Variants in CTNNA2 observed in about 807,000 individuals in gnomAD.
The protein encoded by CTNNA2 is catenin alpha 2.
Under a neutral mutation model 101.0 loss-of-function variants are expected in CTNNA2, and 42 were observed. That is an observed-to-expected ratio of 0.42 (90% CI 0.32 to 0.54). The LOEUF is 0.54. CTNNA2 is among the 20% of genes least tolerant of loss of function. CTNNA2 has a pLI of 0.14. For synonymous variants in CTNNA2, 450 were observed against 456.4 expected (o/e 0.99, Z 0.18); for missense variants, 871 against 1,223.1 (o/e 0.71, Z 4.29).
intron 2 of CTNNA2, among the ~76,000 whole-genome samples, chr2:79,264,641 T>C (rs1229013832): frequency 2.6e-5 from 4 of 152,114 alleles, no homozygotes; most frequent in Non-Finnish European, 4.4e-5. Flanking sequence ...AATCTGCCAT[T>C]ATAATCTCAG....
chr2:79,368,936 G>A (rs565487572), intron 3 of CTNNA2, among the ~76,000 whole-genome samples: 42 of 152,286 alleles, frequency 2.8e-4, no homozygotes, highest in African/African-American at 9.9e-4. Context: ...TTCCCTAAAA[G>A]GCCTGGATGA....
At chr2:79,239,936 C>CT (rs35539645) in intron 2 of CTNNA2, among the ~76,000 whole-genome samples, 3 of 83,846 alleles carry the variant, frequency 3.6e-5, no homozygotes, top group Non-Finnish European at 6.3e-5. Context: ...CTTTTTCTTT[C>CT]TTTTTTTTTT....
Position 79,910,695 on chromosome 2 carries a change from A to G in CTNNA2, c.1056+898A>G, listed in dbSNP as rs145026399. On this transcript the variant is annotated intron_variant, in intron 7 of 18. Coordinates refer to ENST00000402739, the MANE Select transcript of CTNNA2 (RefSeq NM_001282597.3). Reference sequence around the variant, plus strand: ...TAGCTACCAGGTGGGTAACAGAGACACTGAAAATCTGCTCACAGCTACTGA... The same window carrying G: ...TAGCTACCAGGTGGGTAACAGAGACGCTGAAAATCTGCTCACAGCTACTGA... 1.1e-4 allele frequency among the ~76,000 whole-genome samples: 16 copies of G among 152,328 alleles called. No homozygotes were observed. The East Asian group carries it at 2.3e-3, about 22-fold the overall frequency.
chr2:79,528,536 C>G (rs1023916056), intron 1 of CTNNA2, among the ~76,000 whole-genome samples: 1 of 152,044 alleles, frequency 6.6e-6, no homozygotes, highest in Non-Finnish European at 1.5e-5. Context: ...GAATTATACA[C>G]TTTAAAATGG....
intron 7 of CTNNA2, among the ~76,000 whole-genome samples, chr2:80,201,825 AT>A (rs1707233298): frequency 6.6e-6 from 1 of 151,918 alleles, no homozygotes; most frequent in Non-Finnish European, 1.5e-5. Context: ...AGTTGTTGTT[AT>A]TTTTCTAATT....
chr2:80,097,990 C>A (rs79959549), intron 7 of CTNNA2, among the ~76,000 whole-genome samples: 1 of 152,160 alleles, frequency 6.6e-6, no homozygotes, highest in Non-Finnish European at 1.5e-5. Flanking sequence ...TCTTCTGAAA[C>A]CTTCTTCTCT....
chr2:79,289,500 G>A (rs1326177681), intron 2 of CTNNA2, among the ~76,000 whole-genome samples: 5 of 152,126 alleles, frequency 3.3e-5, no homozygotes, highest in African/African-American at 4.8e-5. Context: ...GGTGGCTCAC[G>A]CCTGTAATCC....
chr2:79,521,523 A>G (rs921469986), intron 1 of CTNNA2, among the ~76,000 whole-genome samples: 1 of 152,152 alleles, frequency 6.6e-6, no homozygotes, highest in Non-Finnish European at 1.5e-5. Flanking sequence ...TGGGAATACC[A>G]TGAATGATAG....
intron 3 of CTNNA2, among the ~76,000 whole-genome samples, chr2:79,344,634 T>C (rs1304106515): frequency 1.3e-5 from 2 of 151,832 alleles, no homozygotes; most frequent in Non-Finnish European, 2.9e-5. Flanking sequence ...TTTAATAAAG[T>C]CCAGTTCAAA....
intron 7 of CTNNA2, among the ~76,000 whole-genome samples, chr2:79,972,631 G>A (rs1026518611): frequency 2.6e-5 from 4 of 152,098 alleles, no homozygotes; most frequent in Admixed American, 6.6e-5. Flanking sequence ...TAAGAGCTGC[G>A]GGTGTCTGGA....
intron 18 of CTNNA2, among the ~76,000 whole-genome samples, chr2:80,636,425 T>C (rs1672889192): frequency 1.3e-5 from 2 of 152,120 alleles, no homozygotes; most frequent in Non-Finnish European, 2.9e-5. Context: ...TTGAAGGAGA[T>C]AAACACAGAG....
chr2:80,552,808 G>A (rs1012471977), intron 11 of CTNNA2, among the ~76,000 whole-genome samples: 20 of 152,034 alleles, frequency 1.3e-4, no homozygotes, highest in Admixed American at 3.3e-4. Flanking sequence ...TTAAAAGTAC[G>A]GTAAAAATAT....
chr2:80,015,249 T>C (rs774250382), intron 7 of CTNNA2, among the ~76,000 whole-genome samples: 61 of 152,102 alleles, frequency 4.0e-4, no homozygotes, highest in Non-Finnish European at 7.1e-4. Flanking sequence ...ATATCCCTTT[T>C]CCCCCCTTCT....
At chr2:79,829,570 A>C (rs1308644974) in intron 3 of CTNNA2, among the ~76,000 whole-genome samples, 1 of 151,616 alleles carries the variant, frequency 6.6e-6, no homozygotes, top group Non-Finnish European at 1.5e-5. Context: ...ACTCCATCTC[A>C]AATAAAATAA....
At chr2:79,605,763 A>C (rs1365311662) in intron 1 of CTNNA2, among the ~76,000 whole-genome samples, 1 of 151,880 alleles carries the variant, frequency 6.6e-6, no homozygotes, top group Non-Finnish European at 1.5e-5. Flanking sequence ...TAATAATAAT[A>C]ATAATAAACT....
At chr2:79,769,412 G>T (rs1673414584) in intron 3 of CTNNA2, among the ~76,000 whole-genome samples, 1 of 152,158 alleles carries the variant, frequency 6.6e-6, no homozygotes, top group Non-Finnish European at 1.5e-5. Flanking sequence ...TTCTGGTTTT[G>T]TTGAAGTGAA....
intron 7 of CTNNA2, among the ~76,000 whole-genome samples, chr2:80,372,096 G>C (rs1056187007): frequency 6.6e-6 from 1 of 152,042 alleles, no homozygotes; most frequent in Non-Finnish European, 1.5e-5. Context: ...AATTTTGAAG[G>C]AATCATCTCC....
At chr2:80,398,715 A>G (rs1397995107) in intron 8 of CTNNA2, among the ~76,000 whole-genome samples, 1 of 150,080 alleles carries the variant, frequency 6.7e-6, no homozygotes, top group Non-Finnish European at 1.5e-5. Context: ...AAAAAAAAAA[A>G]AATTCACCCG....
chr2:79,735,082 TGAGA>T (rs1670774339), intron 2 of CTNNA2, among the ~76,000 whole-genome samples: 1 of 152,076 alleles, frequency 6.6e-6, no homozygotes, highest in Middle Eastern at 3.2e-3. Flanking sequence ...TACTAGGTGG[TGAGA>T]GAGAGATGGA....
Sources: allele counts gnomAD v4.1 joint callset (sites outside exome capture counted in the v4.1 genomes callset), GRCh38; gene constraint gnomAD v4.1.1; transcripts MANE v1.5; gene names NCBI Gene and HGNC (gene_info 2026-07-23, HGNC 2026-07-21).